Variants in RGS12 observed in about 807,000 individuals in gnomAD.
RGS12 encodes the protein regulator of G-protein signaling 12.
In RGS12, 66 loss-of-function variants were observed where a neutral mutation model predicts 120.1. The ratio of observed to expected loss-of-function variants is 0.55; its 90% confidence interval spans 0.45 to 0.67. The LOEUF is 0.67. Among genes scored for constraint, RGS12 ranks in the 30% least tolerant of loss-of-function variants. RGS12 has a pLI of 0.00. For missense variants in RGS12, 1,859 were observed against 1,957.7 expected (o/e 0.95, Z 0.95); for synonymous variants, 827 against 804.7 (o/e 1.03, Z -0.47).
chr4:3,376,805 C>G (rs532190506), intron 3 of RGS12, among the ~76,000 whole-genome samples: 5 of 152,196 alleles, frequency 3.3e-5, no homozygotes, highest in Non-Finnish European at 7.3e-5. Context: ...GCCAGGGCAT[C>G]TTCTCCTGAA....
intron 4 of RGS12, among the ~76,000 whole-genome samples, chr4:3,387,704 A>G (rs1352912441): frequency 6.6e-6 from 1 of 152,244 alleles, no homozygotes; most frequent in Non-Finnish European, 1.5e-5. Context: ...AACCAAATCC[A>G]GGATAAAGTG....
At chr4:3,329,343 G>A (rs887349089) in intron 2 of RGS12, among the ~76,000 whole-genome samples, 2 of 152,156 alleles carry the variant, frequency 1.3e-5, no homozygotes, top group African/African-American at 2.4e-5. Flanking sequence ...AGGTGGGAGT[G>A]GGGTCAGGGC....
At chr4:3,395,884 T>G (rs1315070381) in intron 4 of RGS12, among the ~76,000 whole-genome samples, 1 of 152,200 alleles carries the variant, frequency 6.6e-6, no homozygotes, top group African/African-American at 2.4e-5. Context: ...CCAAGACCCC[T>G]TGAGGATACC....
At chr4:3,423,662 G>T in intron 13 of RGS12, 21 bp downstream of exon 13, 1 of 1,595,384 alleles carries the variant, frequency 6.3e-7, no homozygotes, top group African/African-American at 1.3e-5. Flanking sequence ...CACGGGGCCC[G>T]GGCGTCGTCA....
chr4:3,431,052 T>C (rs1724252176), intron 17 of RGS12, 97 bp downstream of exon 17: 2 of 1,503,684 alleles, frequency 1.3e-6, no homozygotes, highest in Non-Finnish European at 1.8e-6. Flanking sequence ...TGCCACTGTT[T>C]GCTGGTGGTC....
chr4:3,424,762 A>G (rs938936769), intron 13 of RGS12, among the ~76,000 whole-genome samples: 10 of 152,258 alleles, frequency 6.6e-5, no homozygotes, highest in African/African-American at 1.9e-4. Flanking sequence ...TGACCTCTCC[A>G]GTGAATTCTG....
At position 3,370,272 on chromosome 4, in the gene RGS12, A is replaced by G. The variant is rs766350090; in HGVS notation, c.1999-16144A>G. On this transcript the variant is annotated intron_variant, in intron 3 of 17. Transcript: ENST00000336727. ...AGTGTGGCTCGGTGCCTTACAATGA[A>G]TTTGGGGAAAGAGTTGTCAAACGAA... 7 of 1,613,926 alleles carry G rather than the reference A, an allele frequency of 4.3e-6. No individual in the cohort carries two copies. In the South Asian group the frequency reaches 6.6e-5, roughly 15 times the overall value.
At chr4:3,417,715 C>T (rs974863397) in intron 9 of RGS12, 174 bp downstream of exon 9, 9 of 661,072 alleles carry the variant, frequency 1.4e-5, no homozygotes, top group African/African-American at 3.6e-5. Flanking sequence ...TCTGGGGACA[C>T]GACCTGTCAG....
chr4:3,408,365 G>A (rs577230288), intron 4 of RGS12, among the ~76,000 whole-genome samples: 8 of 152,212 alleles, frequency 5.3e-5, no homozygotes, highest in Non-Finnish European at 1.2e-4. Context: ...GAGTGTTAGA[G>A]AGGAGACGAC....
chr4:3,409,306 GA>G (rs1182833812), intron 4 of RGS12, among the ~76,000 whole-genome samples: 37 of 152,350 alleles, frequency 2.4e-4, no homozygotes, highest in African/African-American at 7.9e-4. Flanking sequence ...CAGGGGAGCC[GA>G]GCACACCAGA....
At chr4:3,395,116 C>G (rs1719920662) in intron 4 of RGS12, among the ~76,000 whole-genome samples, 1 of 151,850 alleles carries the variant, frequency 6.6e-6, no homozygotes, top group Admixed American at 6.6e-5. Flanking sequence ...TCTCTTGAAC[C>G]TGGGAGGTGA....
chr4:3,329,240 C>A (rs896069390), intron 2 of RGS12, among the ~76,000 whole-genome samples: 1 of 152,072 alleles, frequency 6.6e-6, no homozygotes, highest in Non-Finnish European at 1.5e-5. Flanking sequence ...ATGGTGGCCC[C>A]GATGGAAGCT....
chr4:3,418,737 C>T (rs1242173964), intron 9 of RGS12: 2 of 152,222 alleles, frequency 1.3e-5, no homozygotes, highest in African/African-American at 4.8e-5. Flanking sequence ...TTGCAGAGTT[C>T]ACCTTTGTCG....
At chr4:3,362,903 G>A (rs1274303950) in intron 3 of RGS12, among the ~76,000 whole-genome samples, 1 of 151,216 alleles carries the variant, frequency 6.6e-6, no homozygotes, top group Non-Finnish European at 1.5e-5. Flanking sequence ...GCATCAGTGT[G>A]AGTGTGCATG....
chr4:3,309,642 G>GC (rs1560645835), intron 1 of RGS12, among the ~76,000 whole-genome samples: 13 of 125,808 alleles, frequency 1.0e-4, no homozygotes, highest in African/African-American at 1.7e-4. Flanking sequence ...GGGGAACCGT[G>GC]TGGGGGAGGA....
intron 2 of RGS12, chr4:3,342,723 TGAC>T (rs1233090087): frequency 1.3e-5 from 9 of 719,736 alleles, no homozygotes; most frequent in Admixed American, 3.1e-5. Context: ...AGCAAATACT[TGAC>T]GATCCTGGGA....
intron 1 of RGS12, among the ~76,000 whole-genome samples, chr4:3,302,349 G>A (rs1251921295): frequency 6.6e-6 from 1 of 151,050 alleles, no homozygotes; most frequent in Non-Finnish European, 1.5e-5. Context: ...CGCCTGTGAC[G>A]TGGCTTTGGG....
Position 3,348,457 on chromosome 4 carries a change from C to T in RGS12, c.1998+5404C>T, listed in dbSNP as rs142880676. 9.1e-4 allele frequency among the ~76,000 whole-genome samples: 138 copies of T among 152,218 alleles called. 2 individuals are homozygous for T. Among genetic ancestry groups the T allele is most frequent in the African/African-American group, 3.1e-3 (130 of 41,514 alleles). On this transcript the variant is annotated intron_variant, in intron 3 of 17. Transcript: ENST00000336727. ...CCTCATGGGAAGCCCGTTTGGTTTG[C>T]CTGGAAGTAGAAGCTGATGAAAAGT...
intron 1 of RGS12, among the ~76,000 whole-genome samples, chr4:3,313,694 C>T (rs1724557296): frequency 6.6e-6 from 1 of 152,206 alleles, no homozygotes; most frequent in Non-Finnish European, 1.5e-5. Flanking sequence ...CTGGAGGTGA[C>T]CGCCTGCCCG....
Sources: gnomAD v4.1 joint callset for allele counts (sites outside exome capture counted in the v4.1 genomes callset) on GRCh38, gnomAD v4.1.1 for gene constraint, MANE v1.5 for transcripts, NCBI Gene and HGNC (gene_info 2026-07-23, HGNC 2026-07-21) for gene names.